CASP8: variants seen among roughly 807,000 people sequenced by gnomAD.
CASP8 encodes the protein caspase-8.
In CASP8, 24 loss-of-function variants were observed where a neutral mutation model predicts 46.3. The observed-to-expected ratio is 0.52, with a 90% CI of 0.38 to 0.73. The LOEUF is 0.73. Ranked by LOEUF, CASP8 falls within the 30% of genes least tolerant of loss-of-function variation. The pLI is 0.00. For missense variants in CASP8, 460 were observed against 559.0 expected (o/e 0.82, Z 1.79); for synonymous variants, 188 against 200.4 (o/e 0.94, Z 0.52).
At chr2:201,254,733 G>A (rs762437343) in intron 2 of CASP8, among the ~76,000 whole-genome samples, 27 of 152,172 alleles carry the variant, frequency 1.8e-4, no homozygotes, top group African/African-American at 2.7e-4. Context: ...GCTTTCAGCC[G>A]GCTGGTGGAC....
chr2:201,281,934 T>TGATCTATCAATGTTATGCCCAC, intron 7 of CASP8: 1 of 144,646 alleles, frequency 6.9e-6, no homozygotes, highest in Non-Finnish European at 1.1e-5. Flanking sequence ...GTTCAAATTC[T>TGATCTATCAATGTTATGCCCAC]TTTTTTTTTT....
chr2:201,277,173 A>G (rs1289197069), intron 7 of CASP8: 2 of 447,724 alleles, frequency 4.5e-6, no homozygotes, highest in Non-Finnish European at 4.0e-6. Context: ...AAATAAAAGT[A>G]ATGTATGTAT....
At chr2:201,275,712 A>T (rs1948590205) in intron 6 of CASP8, among the ~76,000 whole-genome samples, 1 of 152,226 alleles carries the variant, frequency 6.6e-6, no homozygotes, top group Non-Finnish European at 1.5e-5. Context: ...CACTGTCTTA[A>T]TATCTTAGTA....
At chr2:201,234,139 T>C (rs1038543814) in intron 2 of CASP8, 1 of 152,406 alleles carries the variant, frequency 6.6e-6, no homozygotes, top group Non-Finnish European at 1.5e-5. Flanking sequence ...CAGAGGAGGT[T>C]TGGGGGAAAG....
upstream of CASP8, chr2:201,260,444 G>C (rs1054448386): frequency 1.5e-6 from 1 of 679,264 alleles, no homozygotes; most frequent in East Asian, 1.4e-4. Flanking sequence ...TCAGGGGCAA[G>C]TGGTAAGCGC....
At chr2:201,245,444 T>C (rs1048445138) in intron 2 of CASP8, among the ~76,000 whole-genome samples, 2 of 152,160 alleles carry the variant, frequency 1.3e-5, no homozygotes, top group Non-Finnish European at 2.9e-5. Flanking sequence ...TTTCACCATG[T>C]TGGCTAGCCT....
chr2:201,234,162 C>T (rs1945940636), intron 2 of CASP8: 1 of 152,378 alleles, frequency 6.6e-6, no homozygotes, highest in Admixed American at 6.5e-5. Flanking sequence ...AAGTGGTGAA[C>T]GCTATTACTG....
At chr2:201,239,373 CG>C (rs978564652) in intron 2 of CASP8, among the ~76,000 whole-genome samples, 33 of 152,158 alleles carry the variant, frequency 2.2e-4, no homozygotes, top group African/African-American at 8.0e-4. Context: ...ATCTCCCAGA[CG>C]GGGCGGCTGG....
intron 2 of CASP8, among the ~76,000 whole-genome samples, chr2:201,249,141 C>T (rs1341317013): frequency 2.0e-5 from 3 of 152,176 alleles, no homozygotes; most frequent in African/African-American, 7.2e-5. Flanking sequence ...GATCCACCTG[C>T]CTTGGCCTCC....
chr2:201,271,446 G>T (rs1267084280), intron 2 of CASP8, 70 bp from the exon 3 acceptor site: 2 of 935,150 alleles, frequency 2.1e-6, no homozygotes, highest in Admixed American at 3.4e-5. Flanking sequence ...CAAGCCCACT[G>T]TGACTCCATA....
chr2:201,239,021 C>T (rs1215041468), intron 2 of CASP8, among the ~76,000 whole-genome samples: 5 of 152,030 alleles, frequency 3.3e-5, no homozygotes, highest in Admixed American at 6.5e-5. Flanking sequence ...CATCTTGCAC[C>T]GCCCTTAATC....
Position 201,286,578 on chromosome 2 carries a change from T to C in CASP8, c.1424T>C (p.Val475Ala), listed in dbSNP as rs774627747. 4.3e-6 allele frequency: 7 copies of C among 1,613,860 alleles called. No homozygotes were observed. Among genetic ancestry groups the C allele is most frequent in the Non-Finnish European group, 5.9e-6 (7 of 1,179,888 alleles). ...ACTTTCACACTAAGAAAAAAACTTG[T>C]CTTCCCTTCTGATTGATGGTGCTAT... ...QPTFTLRKKL[V>A]FPSD Residue 475 changes from valine (V) to alanine (A), a missense_variant, in exon 9 of 9, where the codon GTC becomes GCC. Coordinates refer to ENST00000673742, the MANE Select transcript of CASP8 (RefSeq NM_001372051.1).
chr2:201,238,502 C>T (rs974188572), intron 2 of CASP8, among the ~76,000 whole-genome samples: 2 of 151,550 alleles, frequency 1.3e-5, no homozygotes, highest in Admixed American at 6.6e-5. Flanking sequence ...AGTGCAGTGG[C>T]GTAATCTTGG....
chr2:201,277,056 A>G, intron 7 of CASP8, 88 bp downstream of exon 7: 1 of 912,454 alleles, frequency 1.1e-6, no homozygotes, highest in Non-Finnish European at 1.8e-6. Flanking sequence ...AGCTATACCA[A>G]AAGGGCCATG....
chr2:201,287,508 T>C lies in CASP8; in HGVS notation c.*914T>C, dbSNP rs576356691. ...TCCCCAAACTTGCTTTATGCCTTCT[T>C]ATTGCTTTTATGATATATATATGCT... is the stretch of plus-strand genomic sequence containing the variant. On this transcript the variant is annotated 3_prime_UTR_variant, in exon 9 of 9. Coordinates refer to ENST00000673742, the MANE Select transcript of CASP8 (RefSeq NM_001372051.1). 58 of 152,558 alleles carry C rather than the reference T, an allele frequency of 3.8e-4. No individual in the cohort carries two copies. The highest frequency in any genetic ancestry group is 1.4e-3 in the African/African-American group (56 of 40,050). The allele number at this position is 152,558 out of a possible 1,614,324, so 9.5% of individuals were successfully genotyped here.
At chr2:201,255,453 A>G (rs1946972474) in intron 2 of CASP8, among the ~76,000 whole-genome samples, 1 of 152,148 alleles carries the variant, frequency 6.6e-6, no homozygotes, top group Admixed American at 6.6e-5. Flanking sequence ...AAATGGCACA[A>G]GTTGAAGCCC....
At chr2:201,270,561 A>G (rs548668360) in intron 2 of CASP8, among the ~76,000 whole-genome samples, 22 of 152,082 alleles carry the variant, frequency 1.4e-4, no homozygotes, top group Non-Finnish European at 8.8e-5. Flanking sequence ...ACAGACAATT[A>G]TTTTCTGTTT....
At chr2:201,286,437 A>G in intron 8 of CASP8, 22 bp from the exon 9 acceptor site, 1 of 1,610,520 alleles carries the variant, frequency 6.2e-7, no homozygotes, top group Non-Finnish European at 8.5e-7. Flanking sequence ...AGACAGTCAC[A>G]ATATTATGTG....
rs369515566 is a variant in CASP8, at chr2:201,252,190, C to T, written c.-26-14271C>T. 1.2e-4 allele frequency among the ~76,000 whole-genome samples: 19 copies of T among 152,176 alleles called. No homozygotes were observed. The East Asian group carries it at 3.1e-3, about 25-fold the overall frequency. On this transcript the variant is annotated intron_variant, in intron 2 of 6. Transcript: ENST00000264274. ...TGAGGTATCTGTTCAGATCTCTTGC[C>T]CACTTTTCAATTGGGTTGTTTGTTT...
Sources: gnomAD v4.1 joint callset for allele counts (sites outside exome capture counted in the v4.1 genomes callset) on GRCh38, gnomAD v4.1.1 for gene constraint, MANE v1.5 for transcripts, NCBI Gene and HGNC (gene_info 2026-07-23, HGNC 2026-07-21) for gene names.